The following VGLL1 variants were observed in gnomAD, a reference collection of about 807,000 sequenced individuals.
The protein encoded by VGLL1 is vestigial like family member 1, also known as transcription cofactor vestigial-like protein 1.
In VGLL1, 4 loss-of-function variants were observed where a neutral mutation model predicts 12.0. The ratio of observed to expected loss-of-function variants is 0.33; its 90% CI spans 0.16 to 0.76. The LOEUF (loss-of-function observed/expected upper bound fraction) is 0.76, where lower values mean the gene tolerates loss of function less well. VGLL1 is among the 30% of genes least tolerant of loss of function. The pLI is 0.60. For synonymous variants in VGLL1, 87 were observed against 81.2 expected, an observed-to-expected ratio of 1.07 and a Z score of -0.39; for missense variants, 204 against 208.7, an observed-to-expected ratio of 0.98 and a Z score of 0.14.
At chrX:136,537,893 A>G (rs996903373) in intron 2 of VGLL1, among the ~76,000 whole-genome samples, 52 of 110,514 alleles carry the variant, frequency 4.7e-4, no homozygotes, top group African/African-American at 1.4e-3. Flanking sequence ...TATTATTACT[A>G]TAGGCCTGAT....
intron 1 of VGLL1, among the ~76,000 whole-genome samples, chrX:136,534,027 T>C (rs966134409): frequency 1.8e-5 from 2 of 112,454 alleles, no homozygotes; most frequent in African/African-American, 6.5e-5. Flanking sequence ...ACAGTAGGTG[T>C]TCTGTAAACT....
intron 1 of VGLL1, among the ~76,000 whole-genome samples, chrX:136,534,175 T>C (rs1416776087): frequency 8.9e-6 from 1 of 112,669 alleles, no homozygotes; most frequent in Non-Finnish European, 1.9e-5. Context: ...TTACCTACAG[T>C]GAAATGCATA....
chrX:136,555,224 A>G (rs2075897932), intron 4 of VGLL1, among the ~76,000 whole-genome samples: 1 of 112,348 alleles, frequency 8.9e-6, no homozygotes, highest in African/African-American at 3.2e-5. Flanking sequence ...GAGAAGGTCA[A>G]ATAAGAAGAA....
intron 1 of VGLL1, among the ~76,000 whole-genome samples, chrX:136,535,171 G>A (rs2075836065): frequency 9.0e-6 from 1 of 111,438 alleles, no homozygotes; most frequent in Non-Finnish European, 1.9e-5. Flanking sequence ...GGTGGGATAT[G>A]ATGATACCAA....
At chrX:136,534,770 G>T (rs2075834933) in intron 1 of VGLL1, among the ~76,000 whole-genome samples, 1 of 111,833 alleles carries the variant, frequency 8.9e-6, no homozygotes, top group Non-Finnish European at 1.9e-5. Flanking sequence ...GAAAGTAAGG[G>T]TGCAATGGAT....
At chrX:136,532,575 TTCTTTCTTTCTTTC>T (rs1207051634) in intron 1 of VGLL1, among the ~76,000 whole-genome samples, 28 of 6,464 alleles carry the variant, frequency 4.3e-3, no homozygotes, top group Non-Finnish European at 7.2e-3. Context: ...GCTCAAATAT[TTCTTTCTTTCTTTC>T]TTTCTTTCTT....
Position 136,549,239 on chromosome X carries a change from G to A in VGLL1, c.634+231G>A, listed in dbSNP as rs750451153. ...ATAGCCAGCCAGATGGACTTGGCCC[G>A]AAGTACTCACCCTAGCCTGTCAACT... On this transcript the variant is annotated intron_variant, in intron 3 of 4. Transcript: ENST00000370634. 5.4e-5 allele frequency among the ~76,000 whole-genome samples: 6 copies of A among 112,041 alleles called. No homozygotes were observed. In the South Asian group the frequency reaches 1.1e-3, roughly 21 times the overall value.
rs138345606 is a variant in VGLL1, at chrX:136,550,789, G to A, written c.656G>A (p.Arg219His). 16 of 1,207,217 alleles carry A rather than the reference G, an allele frequency of 1.3e-5. No individual in the cohort carries two copies. Among genetic ancestry groups the A allele is most frequent in the South Asian group, 7.1e-5 (4 of 56,448 alleles). Residue 219 changes from arginine to histidine, a missense_variant, in exon 4 of 5, where the codon CGT becomes CAT. Arg to His is a conservative substitution (Grantham distance 29). Transcript: ENST00000370634. ...SVHYKKLYVSRGSASTSLPNE... is the reference protein window; with the variant it reads ...SVHYKKLYVSHGSASTSLPNE... ...CTAGATAAGAAACTATATGTATCTC[G>A]TGGATCTGCCAGTACCAGCCTTCCA...
intron 2 of VGLL1, among the ~76,000 whole-genome samples, chrX:136,538,444 C>T (rs975524232): frequency 4.4e-5 from 5 of 112,524 alleles, no homozygotes; most frequent in Non-Finnish European, 9.4e-5. Context: ...GCCTCCTGTG[C>T]CTAATGGAGA....
intron 4 of VGLL1, among the ~76,000 whole-genome samples, 196 bp from the exon 5 acceptor site, chrX:136,556,255 G>A (rs1251618976): frequency 9.0e-6 from 1 of 111,642 alleles, no homozygotes; most frequent in African/African-American, 3.3e-5. Flanking sequence ...AAATTCTGTT[G>A]TGGCTGCAAT....
chrX:136,545,559 G>A (rs952402631), intron 2 of VGLL1, among the ~76,000 whole-genome samples: 6 of 111,992 alleles, frequency 5.4e-5, no homozygotes, highest in Non-Finnish European at 1.1e-4. Context: ...CAGTATTACT[G>A]CCATGAAGGA....
At chrX:136,541,091 C>G (rs1382548427) in intron 2 of VGLL1, among the ~76,000 whole-genome samples, 1 of 112,318 alleles carries the variant, frequency 8.9e-6, no homozygotes, top group Non-Finnish European at 1.9e-5. Flanking sequence ...GTTCACAACA[C>G]CAGGTTCACA....
intron 2 of VGLL1, among the ~76,000 whole-genome samples, chrX:136,542,893 CTT>C (rs953330178): frequency 2.0e-4 from 22 of 111,598 alleles, no homozygotes; most frequent in African/African-American, 6.5e-4. Context: ...TTTTTGAACA[CTT>C]TCTGTGTGCC....
Position 136,540,797 on chromosome X carries a change from G to A in VGLL1, c.214+4563G>A, listed in dbSNP as rs781674732. ...TCACAAGGTGTTGACCCTACAGATGGGGGTCACCGTAGAGAGGGAGTACGG... is the reference window on the plus strand; with the variant it reads ...TCACAAGGTGTTGACCCTACAGATGAGGGTCACCGTAGAGAGGGAGTACGG... On this transcript the variant is annotated intron_variant, in intron 2 of 4. Transcript: ENST00000370634. Among the ~76,000 whole-genome samples, 5 of 111,378 alleles carry A rather than the reference G, an allele frequency of 4.5e-5. No individual in the cohort carries two copies. The South Asian group carries it at 1.9e-3, about 42-fold the overall frequency.
chrX:136,554,077 T>A (rs1466851756), intron 4 of VGLL1, among the ~76,000 whole-genome samples: 3 of 112,292 alleles, frequency 2.7e-5, no homozygotes, highest in Non-Finnish European at 3.8e-5. Context: ...AAAATTGTCT[T>A]GGTCCCTGCC....
At position 136,556,435 on chromosome X, in the gene VGLL1, G is replaced by T. The variant is rs375155236; in HGVS notation, c.689-16G>T. 1 of 1,202,681 alleles carries T rather than the reference G, an allele frequency of 8.3e-7. No homozygotes were observed. On this transcript the variant is annotated splice_polypyrimidine_tract_variant and intron_variant, in intron 4 of 4. Coordinates refer to ENST00000370634, the MANE Select transcript of VGLL1 (RefSeq NM_016267.4). ...GGCCTAACTGGCTTTCATTAACCAT[G>T]TAACTTCTCCTTTAGCTCTTTCAGA...
chrX:136,537,905 G>A (rs748202486), intron 2 of VGLL1, among the ~76,000 whole-genome samples: 4 of 110,072 alleles, frequency 3.6e-5, no homozygotes, highest in African/African-American at 1.3e-4. Context: ...AGGCCTGATG[G>A]GGCAGGAACA....
At chrX:136,541,143 G>C (rs774961339) in intron 2 of VGLL1, among the ~76,000 whole-genome samples, 1 of 111,867 alleles carries the variant, frequency 8.9e-6, no homozygotes, top group South Asian at 3.8e-4. Context: ...TTTTCAGGGG[G>C]TTCTGTTTCA....
chrX:136,551,052 A>G (rs1002879572), intron 4 of VGLL1: 14 of 332,946 alleles, frequency 4.2e-5, no homozygotes, highest in African/African-American at 3.1e-4. Context: ...TTATTTTGCT[A>G]TAGAAGAAAC....
Sources: allele counts gnomAD v4.1 joint callset (sites outside exome capture counted in the v4.1 genomes callset), GRCh38; gene constraint gnomAD v4.1.1; transcripts MANE v1.5; gene names NCBI Gene and HGNC (gene_info 2026-07-23, HGNC 2026-07-21).